Variants in NAV2 observed in about 807,000 individuals in gnomAD.
NAV2 encodes helicase, APC down-regulated 1.
NAV2 carries 54 observed loss-of-function variants against 223.2 expected under a neutral mutation model. That is an observed-to-expected ratio of 0.24 (90% CI 0.19 to 0.30). The LOEUF (loss-of-function observed/expected upper bound fraction) is 0.30. Among genes scored for constraint, NAV2 ranks in the 10% least tolerant of loss-of-function variants. The pLI is 1.00. For missense variants in NAV2, 2,806 were observed against 3,147.5 expected, an observed-to-expected ratio of 0.89 and a Z score of 2.60; for synonymous variants, 1,279 against 1,239.3, an observed-to-expected ratio of 1.03 and a Z score of -0.67.
chr11:19,450,032 T>C (rs1851736798), intron 1 of NAV2, among the ~76,000 whole-genome samples: 1 of 152,180 alleles, frequency 6.6e-6, no homozygotes, highest in Non-Finnish European at 1.5e-5. Flanking sequence ...AATTCACCAC[T>C]GGGACCTCAT....
chr11:19,359,170 AAGG>A (rs1853790976), intron 1 of NAV2, among the ~76,000 whole-genome samples: 2 of 152,228 alleles, frequency 1.3e-5, no homozygotes, highest in Admixed American at 6.5e-5. Context: ...GTTTCTTAGA[AAGG>A]AGAAGATTTT....
intron 1 of NAV2, among the ~76,000 whole-genome samples, chr11:19,586,353 T>C (rs1358399565): frequency 6.6e-6 from 1 of 152,222 alleles, no homozygotes; most frequent in Non-Finnish European, 1.5e-5. Context: ...AGTAGTTTGA[T>C]CGTCTGAAGC....
intron 1 of NAV2, among the ~76,000 whole-genome samples, chr11:19,547,146 C>T (rs2044527020): frequency 6.6e-6 from 1 of 152,198 alleles, no homozygotes; most frequent in Admixed American, 6.5e-5. Context: ...ACTGCTGCCC[C>T]AGACATTGAT....
chr11:19,863,615 T>G (rs1020444240), intron 3 of NAV2, among the ~76,000 whole-genome samples: 1 of 152,192 alleles, frequency 6.6e-6, no homozygotes, highest in Non-Finnish European at 1.5e-5. Context: ...TGCTGCCTCT[T>G]CCTTAAGAAA....
chr11:20,047,234 T>A (rs921123290), intron 14 of NAV2, among the ~76,000 whole-genome samples: 1 of 152,236 alleles, frequency 6.6e-6, no homozygotes, highest in Non-Finnish European at 1.5e-5. Context: ...ACTAGACCCT[T>A]AGGCTAGTGT....
At chr11:19,875,237 C>G (rs1294156855) in intron 4 of NAV2, among the ~76,000 whole-genome samples, 3 of 152,136 alleles carry the variant, frequency 2.0e-5, no homozygotes, top group Non-Finnish European at 4.4e-5. Flanking sequence ...ATAAACCCAC[C>G]ATAAGTTGAA....
At chr11:19,834,908 C>T (rs904660274) in intron 2 of NAV2, among the ~76,000 whole-genome samples, 3 of 152,124 alleles carry the variant, frequency 2.0e-5, no homozygotes, top group African/African-American at 7.2e-5. Context: ...TCAAATATGA[C>T]ATAAGTTTGA....
chr11:19,512,225 G>A, intron 1 of NAV2, among the ~76,000 whole-genome samples: 1 of 152,224 alleles, frequency 6.6e-6, no homozygotes, highest in Non-Finnish European at 1.5e-5. Context: ...AGAGCTGGGG[G>A]CTGTAGGAAG....
At position 20,048,878 on chromosome 11, in the gene NAV2, C is replaced by G; in HGVS notation, c.4053C>G (p.Ser1351Arg). The G allele has an allele frequency of 6.2e-7, 1 of 1,614,190 alleles. No individual in the cohort carries two copies. Among genetic ancestry groups the G allele is most frequent in the Non-Finnish European group, 8.5e-7 (1 of 1,180,032 alleles). Residue 1351 changes from serine to arginine, a missense_variant, in exon 15 of 38, where the codon AGC becomes AGG. By Grantham distance (110) the Ser-to-Arg change is moderately radical. Around this residue, in one of 4 missense-constraint regions of NAV2, gnomAD observed 742 missense variants for 777.9 expected, o/e 0.95. Transcript: ENST00000349880. The stretch of plus-strand genomic sequence containing the variant: ...GCAGTGGCGTCCTGAGCAGTGGGAG[C>G]AGCAGTCCTCTCTACAGCAAGAATG... ...PSGSGVLSSG[S>R]SSPLYSKNVD...
intron 6 of NAV2, among the ~76,000 whole-genome samples, chr11:19,903,898 T>C (rs2042651259): frequency 6.6e-6 from 1 of 152,172 alleles, no homozygotes; most frequent in Non-Finnish European, 1.5e-5. Flanking sequence ...AAACCCACAG[T>C]GTGGGTGTGA....
chr11:19,923,121 G>T (rs1407689684), intron 6 of NAV2, among the ~76,000 whole-genome samples: 1 of 152,100 alleles, frequency 6.6e-6, no homozygotes, highest in Non-Finnish European at 1.5e-5. Context: ...GGAAATAAGG[G>T]CTCATCTTCT....
At chr11:20,085,100 A>G (rs1209128011) in intron 26 of NAV2, among the ~76,000 whole-genome samples, 2 of 151,942 alleles carry the variant, frequency 1.3e-5, no homozygotes, top group Non-Finnish European at 2.9e-5. Flanking sequence ...AGGCTGAGGC[A>G]GGAGGGTCAC....
chr11:19,539,512 A>C (rs766172503), intron 1 of NAV2, among the ~76,000 whole-genome samples: 2 of 152,176 alleles, frequency 1.3e-5, no homozygotes, highest in Admixed American at 6.5e-5. Context: ...AATGTATACA[A>C]TTTTTCACTC....
At chr11:19,368,252 CA>C (rs922708690) in intron 1 of NAV2, among the ~76,000 whole-genome samples, 1 of 152,236 alleles carries the variant, frequency 6.6e-6, no homozygotes, top group African/African-American at 2.4e-5. Context: ...AGGCAAGGAA[CA>C]GCCAGCCAGC....
chr11:20,084,587 T>A (rs2060297738), intron 26 of NAV2, among the ~76,000 whole-genome samples: 1 of 152,198 alleles, frequency 6.6e-6, no homozygotes, highest in South Asian at 2.1e-4. Context: ...AGAAGGACAC[T>A]GAGGGACTGG....
In NAV2 at chr11:20,104,213, C is replaced by T. The variant is rs78009382; in HGVS notation, c.6644+489C>T. On this transcript the variant is annotated intron_variant, in intron 34 of 37. Transcript: ENST00000349880. ...CCCTACCAGCTTGTCTTCCCTGCCC[C>T]GCTGCCATAGCACCACGCTGGTGCT... 7.4e-3 allele frequency: 1,281 copies of T among 173,930 alleles called. 82 individuals are homozygous for T. In the East Asian group the frequency reaches 0.15, roughly 20 times the overall value. 10.8% of individuals were successfully genotyped at this position (173,930 alleles called of 1,614,324 possible). A position where few individuals can be genotyped will look rare whatever the true frequency, so the allele number is the denominator to read the frequency against.
In NAV2 at chr11:20,114,560, T is replaced by C. The variant is rs757549159; in HGVS notation, c.6961-32T>C. ...GGGCTACGAGAGAGATCTGGGCCAC[T>C]TCCAGACTGTTCCTTCTTTGCCTGT... is the stretch of plus-strand genomic sequence containing the variant. On this transcript the variant is annotated intron_variant, in intron 36 of 37. Coordinates refer to ENST00000349880, the MANE Select transcript of NAV2 (RefSeq NM_145117.5). 3 of 1,610,752 alleles carry C rather than the reference T, an allele frequency of 1.9e-6. No homozygotes were observed. The Admixed American group carries it at 5.0e-5, about 27-fold the overall frequency.
intron 1 of NAV2, among the ~76,000 whole-genome samples, chr11:19,639,162 C>A (rs1289261175): frequency 1.3e-5 from 2 of 152,186 alleles, no homozygotes; most frequent in East Asian, 3.8e-4. Flanking sequence ...CATTCCCCAA[C>A]AAAGATGGTT....
At chr11:20,102,556 A>C (rs2061714377) in intron 32 of NAV2, among the ~76,000 whole-genome samples, 1 of 152,208 alleles carries the variant, frequency 6.6e-6, no homozygotes, top group African/African-American at 2.4e-5. Context: ...TCCTGTGTGT[A>C]AGGCCCTTAA....
Sources: allele counts gnomAD v4.1 joint callset (sites outside exome capture counted in the v4.1 genomes callset), GRCh38; gene constraint gnomAD v4.1.1; regional missense constraint gnomAD v4.1.1; transcripts MANE v1.5; gene names NCBI Gene and HGNC (gene_info 2026-07-23, HGNC 2026-07-21).